The following DOCK3 variants were observed in gnomAD, a reference collection of about 807,000 sequenced individuals.
DOCK3 encodes dedicator of cytokinesis 3, also known as dedicator of cytokinesis protein 3.
Under a neutral mutation model 265.6 loss-of-function variants are expected in DOCK3, and 60 were observed. The observed-to-expected ratio is 0.23, with a 90% CI of 0.18 to 0.28. DOCK3 has a LOEUF of 0.28. Ranked by LOEUF, DOCK3 falls within the 10% of genes least tolerant of loss-of-function variation. DOCK3 has a pLI of 1.00. For synonymous variants in DOCK3, 881 were observed against 938.0 expected (o/e 0.94, Z 1.11); for missense variants, 1,981 against 2,594.3 (o/e 0.76, Z 5.14).
intron 19 of DOCK3, among the ~76,000 whole-genome samples, chr3:51,233,838 T>C (rs1311162771): frequency 6.6e-6 from 1 of 152,202 alleles, no homozygotes; most frequent in East Asian, 1.9e-4. Context: ...TTTTTTAACA[T>C]ATACCACATT....
At chr3:51,012,588 C>T (rs547346981) in intron 5 of DOCK3, among the ~76,000 whole-genome samples, 109 of 152,290 alleles carry the variant, frequency 7.2e-4, no homozygotes, top group African/African-American at 2.5e-3. Context: ...TGACCCCTTG[C>T]GCTTCCTGGG....
chr3:51,283,810 G>A (rs2081268902), intron 27 of DOCK3, among the ~76,000 whole-genome samples: 1 of 152,000 alleles, frequency 6.6e-6, no homozygotes, highest in Non-Finnish European at 1.5e-5. Context: ...ACTGGCATAT[G>A]TGTGTCCATA....
intron 2 of DOCK3, among the ~76,000 whole-genome samples, chr3:50,782,330 G>A (rs6790391): frequency 0.86 from 116,088 of 135,080 alleles, 50,009 homozygotes; most frequent in East Asian, 0.95. Flanking sequence ...TCGCTCTGTC[G>A]CCCAGGCTGG....
At position 50,838,193 on chromosome 3, in the gene DOCK3, A is replaced by G. The variant is rs551752775; in HGVS notation, c.122-3482A>G. ...AGAAGTTGGAGAGTTGCAGCAAGTT[A>G]CTGAGGAAGGGAAGAGCTGGTTTTT... On this transcript the variant is annotated intron_variant, in intron 2 of 52. Transcript: ENST00000266037. Among the ~76,000 whole-genome samples the G allele has an allele frequency of 2.6e-5, 4 of 152,326 alleles. 1 individual carries two copies. The East Asian group carries it at 5.8e-4, about 22-fold the overall frequency.
chr3:50,976,263 T>G (rs1178915708), intron 5 of DOCK3, among the ~76,000 whole-genome samples: 1 of 113,684 alleles, frequency 8.8e-6, no homozygotes, highest in East Asian at 2.6e-4. Context: ...CTTTCCTGCT[T>G]TCTCTTGTGG....
At chr3:51,012,811 A>G (rs925120257) in intron 5 of DOCK3, among the ~76,000 whole-genome samples, 4 of 152,136 alleles carry the variant, frequency 2.6e-5, no homozygotes, top group African/African-American at 9.7e-5. Context: ...GTCTTTTCAC[A>G]TAGTCCCATA....
At chr3:51,350,151 T>C (rs2085879264) in intron 39 of DOCK3, 137 bp from the exon 40 acceptor site, 1 of 712,010 alleles carries the variant, frequency 1.4e-6, no homozygotes, top group South Asian at 2.0e-5. Flanking sequence ...TGGTCATGTC[T>C]AGAGGCTCAC....
intron 25 of DOCK3, 138 bp from the exon 26 acceptor site, chr3:51,277,470 C>T (rs1409581585): frequency 6.9e-6 from 8 of 1,166,172 alleles, no homozygotes; most frequent in Non-Finnish European, 9.2e-6. Flanking sequence ...TGCCTTGACA[C>T]TGCATGTTGG....
chr3:50,753,137 T>G (rs536556970), intron 1 of DOCK3, among the ~76,000 whole-genome samples: 1 of 152,226 alleles, frequency 6.6e-6, no homozygotes, highest in Non-Finnish European at 1.5e-5. Flanking sequence ...TATAATGTTT[T>G]GTAATGCCTG....
Position 51,354,894 on chromosome 3 carries a change from G to A in DOCK3, c.4120G>A (p.Val1374Met), listed in dbSNP as rs2086259465. The A allele has an allele frequency of 1.2e-6, 2 of 1,613,712 alleles. No homozygotes were observed. Among genetic ancestry groups the A allele is most frequent in the Non-Finnish European group, 1.7e-6 (2 of 1,179,790 alleles). The change falls in exon 41 of 53, where the codon GTG becomes ATG. Residue 1374 changes from valine to methionine, a missense_variant. This residue lies in a region of DOCK3 where 1,357 missense variants were observed against 1,866.8 expected (regional missense o/e 0.73). Coordinates refer to ENST00000266037, the MANE Select transcript of DOCK3 (RefSeq NM_004947.5). Reference sequence around the variant, plus strand: ...CTGTTTGTGGCAGAACAAAGAATACGTGTGCCGTGGCCATGACTACGAGAG... The same window carrying A: ...CTGTTTGTGGCAGAACAAAGAATACATGTGCCGTGGCCATGACTACGAGAG... Reference protein sequence around the residue: ...FPFFLRNKEYVCRGHDYERLE... With the variant: ...FPFFLRNKEYMCRGHDYERLE...
At chr3:51,000,961 C>T (rs1225774098) in intron 5 of DOCK3, among the ~76,000 whole-genome samples, 1 of 152,196 alleles carries the variant, frequency 6.6e-6, no homozygotes, top group Admixed American at 6.5e-5. Context: ...CCTGTTCTGC[C>T]ATTTTCTAAC....
chr3:51,258,264 G>T (rs1467545102), intron 22 of DOCK3, among the ~76,000 whole-genome samples: 1 of 152,096 alleles, frequency 6.6e-6, no homozygotes, highest in African/African-American at 2.4e-5. Flanking sequence ...AATTAGATTT[G>T]CCTACCTCTC....
At chr3:51,151,967 T>C (rs1028554392) in intron 10 of DOCK3, among the ~76,000 whole-genome samples, 1 of 152,210 alleles carries the variant, frequency 6.6e-6, no homozygotes. Flanking sequence ...CTGACAATTA[T>C]GTGTCTTGGA....
chr3:50,845,339 G>A (rs1032682801), intron 3 of DOCK3, among the ~76,000 whole-genome samples: 20 of 152,134 alleles, frequency 1.3e-4, no homozygotes, highest in African/African-American at 4.3e-4. Context: ...ATGCTCAAGA[G>A]GAATAATGAA....
intron 9 of DOCK3, among the ~76,000 whole-genome samples, chr3:51,132,991 C>T (rs911086430): frequency 2.6e-5 from 4 of 152,100 alleles, no homozygotes; most frequent in Non-Finnish European, 5.9e-5. Context: ...CTGATGGCCT[C>T]CCCTGAGGCA....
intron 5 of DOCK3, among the ~76,000 whole-genome samples, chr3:51,016,591 T>TATTTA (rs1559944407): frequency 8.9e-5 from 8 of 89,766 alleles, no homozygotes; most frequent in African/African-American, 3.7e-4. Flanking sequence ...ATATCATATA[T>TATTTA]TATATATGAT....
intron 1 of DOCK3, among the ~76,000 whole-genome samples, chr3:50,766,671 A>G (rs2040900624): frequency 6.6e-6 from 1 of 152,120 alleles, no homozygotes; most frequent in Non-Finnish European, 1.5e-5. Context: ...TGGTATTTCT[A>G]GTTCTAGATC....
At chr3:51,253,648 G>A (rs1158898799) in intron 22 of DOCK3, among the ~76,000 whole-genome samples, 1 of 152,120 alleles carries the variant, frequency 6.6e-6, no homozygotes, top group Non-Finnish European at 1.5e-5. Context: ...TAGTTTATTT[G>A]CGTAGAGGTG....
In DOCK3 at chr3:51,254,885, T is replaced by C. The variant is rs1196895480; in HGVS notation, c.2185-5271T>C. On this transcript the variant is annotated intron_variant, in intron 22 of 52. Coordinates refer to ENST00000266037, the MANE Select transcript of DOCK3 (RefSeq NM_004947.5). ...CATTTACATTTAAGGTTAATATAGT[T>C]ATATGTGAATTTGATCCTGTCATTA... 2.6e-5 allele frequency among the ~76,000 whole-genome samples: 4 copies of C among 152,228 alleles called. No individual in the cohort carries two copies. The East Asian group carries it at 7.7e-4, about 29-fold the overall frequency.
Sources: gnomAD v4.1 joint callset for allele counts (sites outside exome capture counted in the v4.1 genomes callset) on GRCh38, gnomAD v4.1.1 for gene constraint, gnomAD v4.1.1 regional missense constraint, MANE v1.5 for transcripts, NCBI Gene and HGNC (gene_info 2026-07-23, HGNC 2026-07-21) for gene names.